The following ARFGEF3 variants were observed in gnomAD, a reference collection of about 807,000 sequenced individuals.
The protein encoded by ARFGEF3 is brefeldin A-inhibited guanine nucleotide-exchange protein 3.
ARFGEF3 carries 96 observed loss-of-function variants against 221.7 expected under a neutral mutation model. The observed-to-expected ratio is 0.43, with a 90% CI of 0.37 to 0.51. ARFGEF3 has a LOEUF of 0.51. Among genes scored for constraint, ARFGEF3 ranks in the 20% least tolerant of loss-of-function variants. The pLI is 0.00. For missense variants in ARFGEF3, 2,410 were observed against 2,789.9 expected (o/e 0.86, Z 3.07); for synonymous variants, 1,145 against 1,126.8 (o/e 1.02, Z -0.32).
At position 138,344,609 on chromosome 6, in the gene ARFGEF3, A is replaced by G. The variant is rs1185180796; in HGVS notation, c.*8123A>G. ...TGTTGTAGAATAAAGATTCAAATGC[A>G]TTAAAAATCTGGTACATGAAACAAT... On this transcript the variant is annotated 3_prime_UTR_variant, in exon 34 of 34. Coordinates refer to ENST00000251691, the MANE Select transcript of ARFGEF3 (RefSeq NM_020340.5). 3 of 152,208 alleles carry G rather than the reference A, an allele frequency of 2.0e-5. No homozygotes were observed. The highest frequency in any genetic ancestry group is 4.4e-5 in the Non-Finnish European group (3 of 68,036). 9.4% of individuals were successfully genotyped at this position (152,208 alleles called of 1,614,324 possible). A position where few individuals can be genotyped will look rare whatever the true frequency, so the allele number is the denominator to read the frequency against.
chr6:138,192,487 C>CAA (rs200370749), intron 2 of ARFGEF3, among the ~76,000 whole-genome samples: 4 of 143,414 alleles, frequency 2.8e-5, no homozygotes, highest in East Asian at 3.9e-4. Context: ...AACTCTGTCT[C>CAA]AAAAAAAAAC....
intron 5 of ARFGEF3, among the ~76,000 whole-genome samples, chr6:138,237,591 G>GT (rs1296662836): frequency 6.6e-6 from 1 of 152,160 alleles, no homozygotes; most frequent in African/African-American, 2.4e-5. Flanking sequence ...ATGGAGACTG[G>GT]TAAGACCCAA....
intron 4 of ARFGEF3, among the ~76,000 whole-genome samples, chr6:138,227,405 T>G (rs151181042): frequency 6.6e-6 from 1 of 152,330 alleles, no homozygotes; most frequent in East Asian, 1.9e-4. Flanking sequence ...CACTTCTTCC[T>G]AAACCTACCT....
At chr6:138,320,951 G>A (rs1047203787) in intron 28 of ARFGEF3, among the ~76,000 whole-genome samples, 160 bp from the exon 29 acceptor site, 1 of 152,066 alleles carries the variant, frequency 6.6e-6, no homozygotes, top group Non-Finnish European at 1.5e-5. Flanking sequence ...TTGGCGGGGG[G>A]GGGCAGGAGG....
chr6:138,305,322 C>T (rs1005592569), intron 22 of ARFGEF3, among the ~76,000 whole-genome samples: 15 of 151,628 alleles, frequency 9.9e-5, no homozygotes, highest in African/African-American at 3.6e-4. Flanking sequence ...AATTATTGGC[C>T]AGGCACAGTG....
chr6:138,327,544 G>T (rs1780149063), intron 31 of ARFGEF3, among the ~76,000 whole-genome samples: 1 of 152,156 alleles, frequency 6.6e-6, no homozygotes, highest in African/African-American at 2.4e-5. Flanking sequence ...TCCAGTAAGT[G>T]CTCACTATTT....
rs1374504148 is a variant in ARFGEF3 at position 138,235,024 on chromosome 6, G to A, written c.421-3485G>A. ...GGCCAACATATATTGAAAAATATATGTATATATATAGCTACGTTCCACTGT... is the reference window on the plus strand; with the variant it reads ...GGCCAACATATATTGAAAAATATATATATATATATAGCTACGTTCCACTGT... On this transcript the variant is annotated intron_variant, in intron 5 of 33. Transcript: ENST00000251691. Among the ~76,000 whole-genome samples the A allele has an allele frequency of 6.6e-5, 10 of 151,998 alleles. No homozygotes were observed. The South Asian group carries it at 1.9e-3, about 28-fold the overall frequency.
At chr6:138,256,011 T>C (rs1024676622) in intron 10 of ARFGEF3, among the ~76,000 whole-genome samples, 1 of 152,182 alleles carries the variant, frequency 6.6e-6, no homozygotes, top group Non-Finnish European at 1.5e-5. Flanking sequence ...CTAGTGCTTG[T>C]TAAGACTCTG....
intron 4 of ARFGEF3, chr6:138,217,776 A>C: frequency 1.6e-6 from 1 of 638,536 alleles, no homozygotes; most frequent in Non-Finnish European, 2.4e-6. Context: ...GAGATAATAG[A>C]TAATAATCTA....
intron 20 of ARFGEF3, among the ~76,000 whole-genome samples, chr6:138,296,598 G>A (rs911779390): frequency 4.6e-5 from 7 of 152,120 alleles, no homozygotes; most frequent in South Asian, 2.1e-4. Context: ...CCCAGGTACC[G>A]GGGCTACAGT....
At chr6:138,212,472 G>A (rs1332270361) in intron 4 of ARFGEF3, among the ~76,000 whole-genome samples, 1 of 152,182 alleles carries the variant, frequency 6.6e-6, no homozygotes, top group Non-Finnish European at 1.5e-5. Context: ...ATTCCTCAAG[G>A]ACCTAGAACC....
chr6:138,324,244 G>A, intron 31 of ARFGEF3, 90 bp downstream of exon 31: 4 of 1,476,796 alleles, frequency 2.7e-6, no homozygotes, highest in Non-Finnish European at 3.7e-6. Flanking sequence ...TCACCAAATT[G>A]CCTTTCATTC....
intron 32 of ARFGEF3, among the ~76,000 whole-genome samples, chr6:138,330,313 C>T (rs980663454): frequency 6.6e-6 from 1 of 152,024 alleles, no homozygotes; most frequent in Non-Finnish European, 1.5e-5. Context: ...CTCTTTCTGC[C>T]GTGTGAGGAT....
At chr6:138,299,405 G>C (rs1779588542) in intron 22 of ARFGEF3, among the ~76,000 whole-genome samples, 1 of 151,984 alleles carries the variant, frequency 6.6e-6, no homozygotes, top group South Asian at 2.1e-4. Flanking sequence ...TTTATACCTG[G>C]CCTATATTCC....
intron 12 of ARFGEF3, among the ~76,000 whole-genome samples, chr6:138,275,338 A>G (rs1779077791): frequency 2.0e-5 from 3 of 152,120 alleles, no homozygotes; most frequent in Non-Finnish European, 2.9e-5. Context: ...AATAATATAT[A>G]TGCTTAGTCC....
intron 6 of ARFGEF3, among the ~76,000 whole-genome samples, chr6:138,242,209 G>A (rs189268754): frequency 7.2e-5 from 11 of 152,268 alleles, no homozygotes; most frequent in Admixed American, 4.6e-4. Context: ...AAATACTTCC[G>A]GATTATCTCT....
chr6:138,238,792 T>C (rs901556377), intron 6 of ARFGEF3, among the ~76,000 whole-genome samples, 161 bp downstream of exon 6: 6 of 152,328 alleles, frequency 3.9e-5, no homozygotes, highest in African/African-American at 1.4e-4. Context: ...GCTCTTTAGA[T>C]GTTTGCCTAT....
chr6:138,183,084 G>A (rs1028353316), intron 2 of ARFGEF3, among the ~76,000 whole-genome samples: 1 of 152,184 alleles, frequency 6.6e-6, no homozygotes, highest in Non-Finnish European at 1.5e-5. Flanking sequence ...TTCAGAGGCT[G>A]TTGGTAGGAC....
Position 138,289,972 on chromosome 6 carries a change from C to T in ARFGEF3, c.3047+4C>T, listed in dbSNP as rs749071344. 1 of 1,604,560 alleles carries T rather than the reference C, an allele frequency of 6.2e-7. No homozygotes were observed. The highest frequency in any genetic ancestry group is 8.5e-7 in the Non-Finnish European group (1 of 1,174,848). ...ACTGCTGGCCACACGTGTTCAGGTG[C>T]ATGACGGGCTCCCACCCCCAGATGG... On this transcript the variant is annotated splice_donor_region_variant and intron_variant, in intron 18 of 33. Transcript: ENST00000251691.
Sources: gnomAD v4.1 joint callset for allele counts (sites outside exome capture counted in the v4.1 genomes callset) on GRCh38, gnomAD v4.1.1 for gene constraint, MANE v1.5 for transcripts, NCBI Gene and HGNC (gene_info 2026-07-23, HGNC 2026-07-21) for gene names.